Variants in MAN2A1 observed in about 807,000 individuals in gnomAD.
MAN2A1 encodes mannosidase alpha class 2A member 1, also known as alpha-mannosidase 2.
MAN2A1 carries 76 observed loss-of-function variants against 142.6 expected under a neutral mutation model. That is an observed-to-expected ratio of 0.53 (90% CI 0.44 to 0.65). MAN2A1 has a LOEUF of 0.65. MAN2A1 is among the 30% of genes least tolerant of loss of function. The probability of loss-of-function intolerance (pLI) is 0.00; values close to 1 mark genes in which losing one functional copy is unlikely to be tolerated. For missense variants in MAN2A1, 1,311 were observed against 1,365.1 expected, an observed-to-expected ratio of 0.96 and a Z score of 0.62; for synonymous variants, 559 against 473.2, an observed-to-expected ratio of 1.18 and a Z score of -2.35.
intron 5 of MAN2A1, among the ~76,000 whole-genome samples, chr5:109,761,723 G>C (rs533176453): frequency 6.6e-6 from 1 of 151,714 alleles, no homozygotes; most frequent in African/African-American, 2.4e-5. Context: ...CTTGTATTAC[G>C]TGACAGCTTA....
rs905383077 is a variant in MAN2A1 at position 109,716,393 on chromosome 5, A to G, written c.535+129A>G. ...TTATTCTCTGACTTTTAACATTAAT[A>G]TATTCCTTTTATGTGTCATTATGTT... On this transcript the variant is annotated intron_variant, in intron 3 of 21. Coordinates refer to ENST00000261483, the MANE Select transcript of MAN2A1 (RefSeq NM_002372.4). The G allele has an allele frequency of 5.0e-5, 33 of 664,278 alleles. No individual in the cohort carries two copies. In the Middle Eastern group the frequency reaches 7.6e-4, roughly 15 times the overall value. 41.1% of individuals were successfully genotyped at this position (664,278 alleles called of 1,614,324 possible).
Position 109,784,939 on chromosome 5 carries a change from T to G in MAN2A1, c.1760+13T>G, listed in dbSNP as rs770299254. ...ATTATGGTACCAGGTAATCTAATTA[T>G]AGAAAAATCATCTTTAAAAAAATCA... On this transcript the variant is annotated intron_variant, in intron 10 of 21. Coordinates refer to ENST00000261483, the MANE Select transcript of MAN2A1 (RefSeq NM_002372.4). The G allele has an allele frequency of 1.9e-6, 3 of 1,550,972 alleles. No homozygotes were observed. In the East Asian group the frequency reaches 6.8e-5, roughly 35 times the overall value.
At chr5:109,804,500 A>G (rs1754113857) in intron 12 of MAN2A1, among the ~76,000 whole-genome samples, 1 of 152,040 alleles carries the variant, frequency 6.6e-6, no homozygotes, top group Non-Finnish European at 1.5e-5. Context: ...TTTCTTTGAA[A>G]TGTGTTCTTT....
intron 18 of MAN2A1, among the ~76,000 whole-genome samples, chr5:109,846,561 T>C (rs1475141179): frequency 6.6e-6 from 1 of 152,216 alleles, no homozygotes; most frequent in African/African-American, 2.4e-5. Context: ...CTGATTAATT[T>C]TTGCAAGTCT....
At chr5:109,697,082 C>G (rs1750836025) in intron 1 of MAN2A1, among the ~76,000 whole-genome samples, 1 of 152,168 alleles carries the variant, frequency 6.6e-6, no homozygotes, top group African/African-American at 2.4e-5. Flanking sequence ...TTACTTTCTT[C>G]CAGCTGAATT....
intron 12 of MAN2A1, among the ~76,000 whole-genome samples, chr5:109,798,013 G>T (rs1204781638): frequency 6.6e-6 from 1 of 152,122 alleles, no homozygotes; most frequent in African/African-American, 2.4e-5. Flanking sequence ...GGTCAGTTCA[G>T]CTGACTGATA....
At chr5:109,814,721 G>T (rs570909194) in intron 12 of MAN2A1, among the ~76,000 whole-genome samples, 1 of 152,026 alleles carries the variant, frequency 6.6e-6, no homozygotes, top group Non-Finnish European at 1.5e-5. Context: ...ATTATAAAAA[G>T]TGATTTAATA....
At chr5:109,820,404 A>AC in intron 15 of MAN2A1, 62 bp downstream of exon 15, 2 of 1,453,638 alleles carry the variant, frequency 1.4e-6, no homozygotes, top group Middle Eastern at 1.8e-4. Context: ...ATTGAGGAAA[A>AC]AGATAAGTGA....
At chr5:109,800,273 T>C (rs1436955552) in intron 12 of MAN2A1, among the ~76,000 whole-genome samples, 1 of 152,170 alleles carries the variant, frequency 6.6e-6, no homozygotes, top group African/African-American at 2.4e-5. Context: ...TGAAGCTAGG[T>C]AGTGTTCTCA....
chr5:109,753,686 C>G (rs1311058544), intron 4 of MAN2A1, among the ~76,000 whole-genome samples: 1 of 152,120 alleles, frequency 6.6e-6, no homozygotes, highest in Non-Finnish European at 1.5e-5. Flanking sequence ...CTATCATATG[C>G]TTTGTAGGAA....
chr5:109,846,010 T>G lies in MAN2A1; in HGVS notation c.2842+4T>G, dbSNP rs1755336098. On this transcript the variant is annotated splice_donor_region_variant and intron_variant, in intron 18 of 21. Transcript: ENST00000261483. ...GGGGTTTCGAGTTTGAATAGTGGTATGTATTGCTTACACTCTTTTCCACTC... is the reference window on the plus strand; with the variant it reads ...GGGGTTTCGAGTTTGAATAGTGGTAGGTATTGCTTACACTCTTTTCCACTC... 1 of 1,604,922 alleles carries G rather than the reference T, an allele frequency of 6.2e-7. No individual in the cohort carries two copies. Among genetic ancestry groups the G allele is most frequent in the Non-Finnish European group, 8.5e-7 (1 of 1,176,200 alleles).
chr5:109,851,452 C>T (rs1041219132), intron 19 of MAN2A1, among the ~76,000 whole-genome samples: 1 of 152,006 alleles, frequency 6.6e-6, no homozygotes, highest in Non-Finnish European at 1.5e-5. Flanking sequence ...TGAATTAATG[C>T]CATTATCATC....
intron 16 of MAN2A1, among the ~76,000 whole-genome samples, chr5:109,825,980 C>A (rs1754748667): frequency 7.4e-6 from 1 of 136,020 alleles, no homozygotes. Flanking sequence ...GATCTCGGCT[C>A]ACTGCAGCCT....
At chr5:109,701,109 T>A (rs1223035588) in intron 1 of MAN2A1, among the ~76,000 whole-genome samples, 2 of 152,152 alleles carry the variant, frequency 1.3e-5, no homozygotes, top group Non-Finnish European at 2.9e-5. Context: ...CTGTTCTAGG[T>A]TCTGGGAATA....
At chr5:109,721,701 G>A (rs1561478086) in intron 3 of MAN2A1, among the ~76,000 whole-genome samples, 1 of 152,086 alleles carries the variant, frequency 6.6e-6, no homozygotes, top group African/African-American at 2.4e-5. Flanking sequence ...TAGATGGTTT[G>A]GTCTCTCATT....
intron 21 of MAN2A1, 136 bp from the exon 22 acceptor site, chr5:109,866,710 C>G (rs1165372166): frequency 3.6e-6 from 2 of 548,822 alleles, no homozygotes; most frequent in Non-Finnish European, 6.5e-6. Flanking sequence ...TATATTTAAT[C>G]CACCCTTTTT....
At chr5:109,764,744 A>C (rs1289483638) in intron 5 of MAN2A1, among the ~76,000 whole-genome samples, 1 of 152,210 alleles carries the variant, frequency 6.6e-6, no homozygotes, top group South Asian at 2.1e-4. Flanking sequence ...AATGGACACT[A>C]TAAACTCTTT....
chr5:109,786,234 A>G (rs940444675), intron 10 of MAN2A1, among the ~76,000 whole-genome samples: 3 of 152,058 alleles, frequency 2.0e-5, no homozygotes, highest in African/African-American at 7.2e-5. Flanking sequence ...TTTGAAAGTA[A>G]GGTCAGATCC....
At chr5:109,710,452 C>T (rs558002696) in intron 1 of MAN2A1, among the ~76,000 whole-genome samples, 1 of 151,756 alleles carries the variant, frequency 6.6e-6, no homozygotes, top group Non-Finnish European at 1.5e-5. Flanking sequence ...GAAATGTGGG[C>T]ACTCATGTAT....
Sources: gnomAD v4.1 joint callset for allele counts (sites outside exome capture counted in the v4.1 genomes callset) on GRCh38, gnomAD v4.1.1 for gene constraint, MANE v1.5 for transcripts, NCBI Gene and HGNC (gene_info 2026-07-23, HGNC 2026-07-21) for gene names.